SKAP2: variants seen among roughly 807,000 people sequenced by gnomAD.
SKAP2 encodes src kinase associated phosphoprotein 2, also known as src kinase-associated phosphoprotein 2.
A neutral mutation model predicts 54.9 loss-of-function variants in SKAP2; 28 were observed. The observed-to-expected ratio is 0.51, with a 90% CI of 0.38 to 0.70. The LOEUF (loss-of-function observed/expected upper bound fraction) is 0.70, where lower values mean the gene tolerates loss of function less well. Among genes scored for constraint, SKAP2 ranks in the 30% least tolerant of loss-of-function variants. SKAP2 has a pLI of 0.00. For synonymous variants in SKAP2, 137 were observed against 134.3 expected, an observed-to-expected ratio of 1.02 and a Z score of -0.14; for missense variants, 356 against 424.1, an observed-to-expected ratio of 0.84 and a Z score of 1.41.
intron 3 of SKAP2, among the ~76,000 whole-genome samples, chr7:26,845,651 G>A (rs1178445833): frequency 6.6e-6 from 1 of 152,116 alleles, no homozygotes; most frequent in African/African-American, 2.4e-5. Context: ...AGAGTGCTAG[G>A]CTGGTGGCAG....
chr7:26,816,562 A>G (rs1784270524), intron 4 of SKAP2, among the ~76,000 whole-genome samples: 1 of 152,128 alleles, frequency 6.6e-6, no homozygotes, highest in Admixed American at 6.6e-5. Flanking sequence ...AAGAAAATTA[A>G]GAATACTAAG....
intron 4 of SKAP2, among the ~76,000 whole-genome samples, chr7:26,748,422 G>A (rs1348279704): frequency 6.6e-6 from 1 of 151,984 alleles, no homozygotes; most frequent in African/African-American, 2.4e-5. Context: ...TTTTACTTTA[G>A]AGACAAGACT....
At position 26,813,108 on chromosome 7, in the gene SKAP2, C is replaced by G. The variant is rs137865223; in HGVS notation, c.307+30922G>C. 2.9e-3 allele frequency among the ~76,000 whole-genome samples: 436 copies of G among 152,206 alleles called. 2 individuals carry two copies. The highest frequency in any genetic ancestry group is 0.01 in the African/African-American group (421 of 41,550). On this transcript the variant is annotated intron_variant, in intron 4 of 12. Transcript: ENST00000345317. ...CAAAGCTATATAGATGTTCTACTAA[C>G]TTCAATTTTTTTAAAAATTATTAGT... is the stretch of plus-strand genomic sequence containing the variant.
intron 4 of SKAP2, among the ~76,000 whole-genome samples, chr7:26,815,491 T>G: frequency 6.6e-6 from 1 of 152,122 alleles, no homozygotes; most frequent in Non-Finnish European, 1.5e-5. Context: ...AAGGGTCGAA[T>G]AGCAAAAAAC....
intron 4 of SKAP2, among the ~76,000 whole-genome samples, chr7:26,805,172 T>C (rs188868983): frequency 1.3e-5 from 2 of 152,152 alleles, no homozygotes; most frequent in African/African-American, 2.4e-5. Flanking sequence ...CTGGGCAACA[T>C]AGTGACACCC....
intron 4 of SKAP2, among the ~76,000 whole-genome samples, chr7:26,744,108 A>G (rs1377351801): frequency 1.3e-5 from 2 of 152,104 alleles, no homozygotes; most frequent in Non-Finnish European, 2.9e-5. Context: ...AAACTAAGGT[A>G]TTACCCACTC....
chr7:26,760,086 T>A (rs972825741), intron 4 of SKAP2, among the ~76,000 whole-genome samples: 5 of 152,188 alleles, frequency 3.3e-5, no homozygotes, highest in African/African-American at 4.8e-5. Context: ...CCCTAACAAT[T>A]AGATAAAATG....
chr7:26,844,496 C>T (rs1784885665), intron 3 of SKAP2, among the ~76,000 whole-genome samples: 1 of 151,586 alleles, frequency 6.6e-6, no homozygotes, highest in Admixed American at 6.6e-5. Context: ...ATAACAGTAA[C>T]AACAACAACA....
chr7:26,795,990 C>CTTG (rs1487649400), intron 4 of SKAP2, among the ~76,000 whole-genome samples: 176 of 152,182 alleles, frequency 1.2e-3, no homozygotes, highest in Admixed American at 3.5e-3. Context: ...TTTGAAAAAA[C>CTTG]TCAGAGATGA....
intron 9 of SKAP2, among the ~76,000 whole-genome samples, chr7:26,721,301 T>C (rs1015361888): frequency 6.6e-6 from 1 of 152,178 alleles, no homozygotes; most frequent in African/African-American, 2.4e-5. Flanking sequence ...AACCACTTAT[T>C]GACTAAATTA....
chr7:26,813,338 C>T (rs1784196510), intron 4 of SKAP2, among the ~76,000 whole-genome samples: 1 of 152,124 alleles, frequency 6.6e-6, no homozygotes, highest in African/African-American at 2.4e-5. Flanking sequence ...TACTGATTTA[C>T]ACTATACATA....
intron 2 of SKAP2, 96 bp from the exon 3 acceptor site, chr7:26,854,258 T>C (rs1785112284): frequency 2.8e-6 from 2 of 710,416 alleles, no homozygotes; most frequent in African/African-American, 1.9e-5. Context: ...ATATTAAAAA[T>C]ACACACCTAG....
chr7:26,677,678 A>G (rs1323107097), intron 11 of SKAP2, among the ~76,000 whole-genome samples: 1 of 152,172 alleles, frequency 6.6e-6, no homozygotes, highest in Non-Finnish European at 1.5e-5. Context: ...CCAGGACTAC[A>G]ACACTGATAC....
intron 9 of SKAP2, among the ~76,000 whole-genome samples, chr7:26,708,196 C>T (rs1787210172): frequency 1.3e-5 from 2 of 152,180 alleles, no homozygotes; most frequent in Admixed American, 6.5e-5. Context: ...CATTTCTAAG[C>T]TAGAGATTCA....
intron 4 of SKAP2, among the ~76,000 whole-genome samples, chr7:26,753,931 C>G (rs938281296): frequency 2.6e-5 from 4 of 152,146 alleles, no homozygotes; most frequent in African/African-American, 9.7e-5. Flanking sequence ...TTAATATCTA[C>G]TTTCACAATT....
At chr7:26,673,149 C>G (rs570326375) in intron 11 of SKAP2, among the ~76,000 whole-genome samples, 85 of 152,116 alleles carry the variant, frequency 5.6e-4, no homozygotes, top group African/African-American at 2.0e-3. Flanking sequence ...ACAATCCATA[C>G]CAGGCTGTTG....
chr7:26,668,883 T>C lies in SKAP2; in HGVS notation c.*783A>G, dbSNP rs1459993520. ...ATGTTGGCCTGGCTGGGAGATTCTT[T>C]ATACCATTTTGTTAGTGGTAGGGTG... On this transcript the variant is annotated 3_prime_UTR_variant, in exon 13 of 13. Coordinates refer to ENST00000345317, the MANE Select transcript of SKAP2 (RefSeq NM_003930.5). 1 of 152,098 alleles carries C rather than the reference T, an allele frequency of 6.6e-6. No individual in the cohort carries two copies. The highest frequency in any genetic ancestry group is 1.9e-4 in the East Asian group (1 of 5,192). The allele number at this position is 152,098 out of a possible 1,614,324, so 9.4% of individuals were successfully genotyped here.
chr7:26,799,916 A>G (rs978108445), intron 4 of SKAP2, among the ~76,000 whole-genome samples: 1 of 152,024 alleles, frequency 6.6e-6, no homozygotes, highest in African/African-American at 2.4e-5. Context: ...CAGGAGATAG[A>G]GACCATCCTG....
At chr7:26,657,421 C>T in the SKAP2 span, among the ~76,000 whole-genome samples, 2 of 152,290 alleles carry the variant, frequency 1.3e-5, no homozygotes, top group South Asian at 4.1e-4. Flanking sequence ...GTTCTAGGAG[C>T]AGAAAGGCTT....
Sources: allele counts gnomAD v4.1 joint callset (sites outside exome capture counted in the v4.1 genomes callset), GRCh38; gene constraint gnomAD v4.1.1; transcripts MANE v1.5; gene names NCBI Gene and HGNC (gene_info 2026-07-23, HGNC 2026-07-21).